The following CDK14 variants were observed in gnomAD, a reference collection of about 807,000 sequenced individuals.
CDK14 encodes cyclin-dependent kinase 14.
In CDK14, 34 loss-of-function variants were observed where a neutral mutation model predicts 60.7. The observed-to-expected ratio is 0.56, with a 90% confidence interval of 0.43 to 0.75. The LOEUF is 0.75. CDK14 is among the 30% of genes least tolerant of loss of function. The pLI is 0.00. For synonymous variants in CDK14, 197 were observed against 203.7 expected, an observed-to-expected ratio of 0.97 and a Z score of 0.28; for missense variants, 482 against 564.1, an observed-to-expected ratio of 0.85 and a Z score of 1.47.
intron 8 of CDK14, among the ~76,000 whole-genome samples, chr7:90,944,464 G>GC (rs1021707813): frequency 2.4e-4 from 37 of 152,340 alleles, no homozygotes; most frequent in African/African-American, 8.7e-4. Context: ...CAGGTGCAGT[G>GC]CCCCACGCCT....
Position 90,841,582 on chromosome 7 carries a change from G to A in CDK14, c.545-21593G>A, listed in dbSNP as rs547869609. Among the ~76,000 whole-genome samples, 5 of 151,296 alleles carry A rather than the reference G, an allele frequency of 3.3e-5. No individual in the cohort carries two copies. In the South Asian group the frequency reaches 6.3e-4, roughly 19 times the overall value. ...TGCCCATAACAGAGCAGTTGCTTAC[G>A]AAGCAGCACTTACCTACAGCAGCAC... On this transcript the variant is annotated intron_variant, in intron 5 of 14. Transcript: ENST00000380050.
chr7:90,753,199 A>T (rs562758595), intron 4 of CDK14, among the ~76,000 whole-genome samples: 5 of 152,244 alleles, frequency 3.3e-5, no homozygotes, highest in South Asian at 4.2e-4. Context: ...TGAAAACAGA[A>T]AACTAAAAGC....
intron 5 of CDK14, among the ~76,000 whole-genome samples, chr7:90,829,095 T>C (rs576418830): frequency 2.6e-5 from 4 of 152,264 alleles, no homozygotes; most frequent in Admixed American, 2.6e-4. Context: ...CCATCAGCTC[T>C]TGTGAGAATT....
At chr7:91,198,280 G>T (rs904387358) in intron 14 of CDK14, among the ~76,000 whole-genome samples, 11 of 152,068 alleles carry the variant, frequency 7.2e-5, no homozygotes, top group African/African-American at 2.7e-4. Flanking sequence ...TAAGGTAAAG[G>T]GTAGTCCACT....
intron 14 of CDK14, among the ~76,000 whole-genome samples, chr7:91,139,785 C>CCTTTTTCTTTCTTT (rs1554438392): frequency 6.8e-6 from 1 of 146,256 alleles, no homozygotes; most frequent in Non-Finnish European, 1.5e-5. Flanking sequence ...TTTTTTCTTT[C>CCTTTTTCTTTCTTT]CTTTCTTTCT....
chr7:91,168,131 G>A (rs886176342), intron 14 of CDK14, among the ~76,000 whole-genome samples: 2 of 151,814 alleles, frequency 1.3e-5, no homozygotes, highest in African/African-American at 4.8e-5. Context: ...GCGTGGTGGC[G>A]CACGTCTGTA....
chr7:91,138,293 G>T (rs907780727), intron 14 of CDK14, among the ~76,000 whole-genome samples: 2 of 152,078 alleles, frequency 1.3e-5, no homozygotes, highest in African/African-American at 4.8e-5. Flanking sequence ...AGCCCATTTT[G>T]TGATTTCGTG....
At chr7:90,995,044 G>A (rs1207193292) in intron 10 of CDK14, among the ~76,000 whole-genome samples, 1 of 152,164 alleles carries the variant, frequency 6.6e-6, no homozygotes, top group African/African-American at 2.4e-5. Flanking sequence ...CCACCGCCTG[G>A]CGTTTATGCC....
chr7:91,026,963 A>G (rs2115906799), intron 10 of CDK14, among the ~76,000 whole-genome samples: 1 of 152,230 alleles, frequency 6.6e-6, no homozygotes, highest in South Asian at 2.1e-4. Context: ...TTTCCTTGGT[A>G]CACTTAGGCA....
chr7:90,838,782 C>T (rs1334748364), intron 5 of CDK14, among the ~76,000 whole-genome samples: 1 of 152,114 alleles, frequency 6.6e-6, no homozygotes, highest in African/African-American at 2.4e-5. Flanking sequence ...AACCCTGTTT[C>T]CTGTTAAGAT....
chr7:91,018,875 A>C (rs1031405788), intron 10 of CDK14, among the ~76,000 whole-genome samples: 10 of 152,198 alleles, frequency 6.6e-5, no homozygotes, highest in Non-Finnish European at 1.0e-4. Flanking sequence ...TAAATTACCC[A>C]GTTTCAGGTA....
intron 7 of CDK14, among the ~76,000 whole-genome samples, chr7:90,904,506 A>T (rs1163538628): frequency 1.3e-5 from 2 of 152,148 alleles, no homozygotes; most frequent in Non-Finnish European, 2.9e-5. Context: ...AACAAATTAA[A>T]AACAACAATA....
At chr7:90,672,816 G>A (rs1161901833) in intron 2 of CDK14, among the ~76,000 whole-genome samples, 1 of 151,812 alleles carries the variant, frequency 6.6e-6, no homozygotes, top group Non-Finnish European at 1.5e-5. Flanking sequence ...CCTCGCCTGG[G>A]TCATATTTTT....
chr7:90,847,906 C>G lies in CDK14; in HGVS notation c.545-15269C>G, dbSNP rs143842247. ...GTAATTTTTTTAGGTGTTTACTAGT[C>G]TTCCTTCCCACCACAATAACTCTGA... On this transcript the variant is annotated intron_variant, in intron 5 of 14. Transcript: ENST00000380050. 8.3e-3 allele frequency among the ~76,000 whole-genome samples: 1,264 copies of G among 152,276 alleles called. 9 individuals are homozygous for G. The highest frequency in any genetic ancestry group is 0.014 in the Non-Finnish European group (942 of 68,014).
At chr7:90,701,894 T>G (rs938179775) in intron 2 of CDK14, among the ~76,000 whole-genome samples, 1 of 152,168 alleles carries the variant, frequency 6.6e-6, no homozygotes, top group African/African-American at 2.4e-5. Flanking sequence ...ACCTGATGGC[T>G]TTAGGGTCTG....
At chr7:90,967,493 G>A (rs3824046) in intron 9 of CDK14, among the ~76,000 whole-genome samples, 10,671 of 152,164 alleles carry the variant, frequency 0.07, 447 homozygotes, top group East Asian at 0.17. Flanking sequence ...ATTAAATAGC[G>A]TAGTAATGCA....
intron 5 of CDK14, among the ~76,000 whole-genome samples, chr7:90,796,995 C>G (rs1376148329): frequency 1.3e-5 from 2 of 151,706 alleles, no homozygotes; most frequent in East Asian, 2.0e-4. Flanking sequence ...GAATCAAAAC[C>G]TACTGATTTG....
chr7:90,876,127 G>T (rs1791552530), intron 6 of CDK14, among the ~76,000 whole-genome samples: 1 of 152,086 alleles, frequency 6.6e-6, no homozygotes, highest in South Asian at 2.1e-4. Flanking sequence ...CAGGTATGTG[G>T]GTATCTGGGT....
chr7:90,831,323 G>C (rs1342295155), intron 5 of CDK14, among the ~76,000 whole-genome samples: 1 of 152,160 alleles, frequency 6.6e-6, no homozygotes, highest in Non-Finnish European at 1.5e-5. Context: ...GGAGGAGAGA[G>C]AGAGAACGAT....
Sources: allele counts gnomAD v4.1 joint callset (sites outside exome capture counted in the v4.1 genomes callset), GRCh38; gene constraint gnomAD v4.1.1; transcripts MANE v1.5; gene names NCBI Gene and HGNC (gene_info 2026-07-23, HGNC 2026-07-21).